The following UBL7 variants were observed in gnomAD, a reference collection of about 807,000 sequenced individuals.
UBL7 encodes ubiquitin like 7, also known as ubiquitin-like protein 7.
In UBL7, 21 loss-of-function variants were observed where a neutral mutation model predicts 41.7. That is an observed-to-expected ratio of 0.50 (90% CI 0.36 to 0.73). The LOEUF (loss-of-function observed/expected upper bound fraction) is 0.73, where lower values mean the gene tolerates loss of function less well. Among genes scored for constraint, UBL7 ranks in the 30% least tolerant of loss-of-function variants. UBL7 has a pLI of 0.00. For synonymous variants in UBL7, 157 were observed against 186.9 expected, an observed-to-expected ratio of 0.84 and a Z score of 1.31; for missense variants, 403 against 478.4, an observed-to-expected ratio of 0.84 and a Z score of 1.47.
In UBL7 at chr15:74,448,576, T is replaced by A. The variant is rs369160191; in HGVS notation, c.907A>T (p.Met303Leu). The change falls in exon 10 of 11, where the codon ATG (methionine) becomes TTG (leucine). Residue 303 changes from methionine to leucine, a missense_variant. Transcript: ENST00000395081. ...TQGHSSGTSP[M>L]SSGVQSGTPI... is the part of the protein sequence containing the mutation. The stretch of plus-strand genomic sequence containing the variant: ...GTCCCTGACTGGACACCAGAGGACA[T>A]TGGTGAGGTCCCTGAGGAATGACCC... The A allele has an allele frequency of 6.8e-6, 11 of 1,613,990 alleles. No homozygotes were observed. Among genetic ancestry groups the A allele is most frequent in the Non-Finnish European group, 9.3e-6 (11 of 1,179,938 alleles).
intron 1 of UBL7, among the ~76,000 whole-genome samples, chr15:74,459,629 T>G (rs1460164715): frequency 6.6e-6 from 1 of 151,598 alleles, no homozygotes; most frequent in Non-Finnish European, 1.5e-5. Context: ...AACCCATCAT[T>G]CTAAAACACA....
intron 3 of UBL7, among the ~76,000 whole-genome samples, chr15:74,456,317 CA>C (rs1027443753): frequency 2.6e-5 from 4 of 151,974 alleles, no homozygotes; most frequent in African/African-American, 9.7e-5. Flanking sequence ...AACCAAAAAA[CA>C]AAAAACAAAA....
At chr15:74,447,690 G>C (rs1035919097) in intron 10 of UBL7, among the ~76,000 whole-genome samples, 1 of 152,158 alleles carries the variant, frequency 6.6e-6, no homozygotes, top group African/African-American at 2.4e-5. Flanking sequence ...CTGGGTGACA[G>C]AGTGACACCC....
intron 2 of UBL7, 38 bp from the exon 3 acceptor site, chr15:74,456,709 A>G (rs1308987843): frequency 2.5e-6 from 4 of 1,592,668 alleles, no homozygotes; most frequent in Non-Finnish European, 3.4e-6. Flanking sequence ...TTGCTCCTCA[A>G]AACAAATTTA....
intron 7 of UBL7, 29 bp from the exon 8 acceptor site, chr15:74,449,704 G>A: frequency 1.2e-6 from 2 of 1,613,984 alleles, no homozygotes; most frequent in Non-Finnish European, 1.7e-6. Flanking sequence ...ATTTCAGGAG[G>A]AAGAACAGAA....
intron 1 of UBL7, 184 bp downstream of exon 1, chr15:74,460,853 C>T: frequency 5.0e-6 from 6 of 1,200,444 alleles, no homozygotes; most frequent in Non-Finnish European, 6.3e-6. Context: ...TATCTTCCAC[C>T]TCAAGTTTAT....
rs763609929 is a variant in UBL7 at position 74,450,833 on chromosome 15, A to G, written c.499T>C (p.Ser167Pro). ...AGCATATTGGGATCAGCGAAGACAG[A>G]GAAGAGGTCCTTGTCCTGGAGAACC... The part of the protein sequence containing the change: ...LGVLQDKDLF[S>P]VFADPNMLDT... The change falls in exon 6 of 11, where the codon TCT becomes CCT. Residue 167 changes from serine to proline, a missense_variant. Transcript: ENST00000395081. 1 of 1,613,764 alleles carries G rather than the reference A, an allele frequency of 6.2e-7. No homozygotes were observed. The highest frequency in any genetic ancestry group is 8.5e-7 in the Non-Finnish European group (1 of 1,179,744).
At chr15:74,450,159 G>A (rs2061229772) in intron 6 of UBL7, 90 bp from the exon 7 acceptor site, 2 of 1,414,576 alleles carry the variant, frequency 1.4e-6, no homozygotes, top group Non-Finnish European at 1.9e-6. Flanking sequence ...TCACAACAAT[G>A]CAGCCACCTG....
chr15:74,453,087 C>T (rs2061264978), intron 3 of UBL7, among the ~76,000 whole-genome samples: 1 of 152,154 alleles, frequency 6.6e-6, no homozygotes, highest in Non-Finnish European at 1.5e-5. Context: ...GTGTACTGCC[C>T]AACTCCAGGG....
chr15:74,454,481 C>T (rs1005420456), intron 3 of UBL7, among the ~76,000 whole-genome samples: 1 of 152,116 alleles, frequency 6.6e-6, no homozygotes, highest in African/African-American at 2.4e-5. Flanking sequence ...TCATTGCAAC[C>T]TCTGCCTCTT....
At chr15:74,449,131 G>A in intron 9 of UBL7, 55 bp downstream of exon 9, 2 of 1,505,354 alleles carry the variant, frequency 1.3e-6, no homozygotes, top group Non-Finnish European at 1.8e-6. Context: ...CTCTACTGCT[G>A]GGGAGCTTGT....
rs2061215901 is a variant in UBL7 at position 74,449,178 on chromosome 15, C to T, written c.882+8G>A. ...CCAGCCTTGATCTTCCCGGCCCCGTCTTCATACCTGGGTGCCAGGAGTCGG... is the reference window on the plus strand; with the variant it reads ...CCAGCCTTGATCTTCCCGGCCCCGTTTTCATACCTGGGTGCCAGGAGTCGG... On this transcript the variant is annotated splice_region_variant and intron_variant, in intron 9 of 10. Transcript: ENST00000395081. 6.5e-7 allele frequency: 1 copy of T among 1,539,936 alleles called. No individual in the cohort carries two copies. The highest frequency in any genetic ancestry group is 8.7e-7 in the Non-Finnish European group (1 of 1,147,608).
intron 1 of UBL7, among the ~76,000 whole-genome samples, chr15:74,459,806 A>T (rs912287463): frequency 6.6e-6 from 1 of 151,522 alleles, no homozygotes; most frequent in Non-Finnish European, 1.5e-5. Flanking sequence ...CACTACTAAA[A>T]ATACAAAAAT....
chr15:74,460,526 A>C, intron 1 of UBL7: 1 of 436,256 alleles, frequency 2.3e-6, no homozygotes, highest in Non-Finnish European at 3.9e-6. Context: ...CAATAACCTC[A>C]GTCCCCTCTC....
chr15:74,447,849 T>C (rs561964770), intron 10 of UBL7, among the ~76,000 whole-genome samples: 19 of 152,314 alleles, frequency 1.2e-4, no homozygotes, highest in African/African-American at 4.3e-4. Context: ...GCGGATCTTC[T>C]ACACTGGACA....
chr15:74,458,123 C>T (rs1687563993), intron 2 of UBL7, among the ~76,000 whole-genome samples: 1 of 152,108 alleles, frequency 6.6e-6, no homozygotes, highest in South Asian at 2.1e-4. Context: ...AACTTCTGTT[C>T]TTTCAGAAAA....
intron 3 of UBL7, among the ~76,000 whole-genome samples, chr15:74,454,074 G>A (rs1465558841): frequency 2.6e-5 from 4 of 152,150 alleles, no homozygotes; most frequent in Admixed American, 2.6e-4. Context: ...CTTGAGCCAG[G>A]AAAACCCCTG....
rs762089343 is a variant in UBL7, at chr15:74,458,847, G to A, written c.21C>T (p.His7=). 1.9e-6 allele frequency: 3 copies of A among 1,611,954 alleles called. No individual in the cohort carries two copies. Among genetic ancestry groups the A allele is most frequent in the Non-Finnish European group, 2.5e-6 (3 of 1,180,030 alleles). Residue 7 remains histidine (H), a synonymous_variant, in exon 2 of 11, where the codon CAC becomes CAT. Coordinates refer to ENST00000395081, the MANE Select transcript of UBL7 (RefSeq NM_032907.5). MSLSDW[H]LAVKLADQPL... ...GCTGGTCAGCCAGCTTCACCGCCAGGTGCCAGTCTGAGAGAGACATCCTCT... is the reference window on the plus strand; with the variant it reads ...GCTGGTCAGCCAGCTTCACCGCCAGATGCCAGTCTGAGAGAGACATCCTCT...
intron 3 of UBL7, among the ~76,000 whole-genome samples, chr15:74,454,467 C>T (rs2061276609): frequency 6.6e-6 from 1 of 152,000 alleles, no homozygotes; most frequent in Admixed American, 6.6e-5. Context: ...GGCGTGATCT[C>T]GGCTCATTGC....
Sources: allele counts gnomAD v4.1 joint callset (sites outside exome capture counted in the v4.1 genomes callset), GRCh38; gene constraint gnomAD v4.1.1; transcripts MANE v1.5; gene names NCBI Gene and HGNC (gene_info 2026-07-23, HGNC 2026-07-21).